Variants in NCOA3 observed in about 807,000 individuals in gnomAD.
NCOA3 encodes CBP-interacting protein.
A neutral mutation model predicts 158.8 loss-of-function variants in NCOA3; 51 were observed. The ratio of observed to expected loss-of-function variants is 0.32; its 90% CI spans 0.26 to 0.41. The LOEUF is 0.41. Ranked by LOEUF, NCOA3 falls within the 10% of genes least tolerant of loss-of-function variation. The pLI, the probability that NCOA3 is intolerant of heterozygous loss-of-function variation, is 1.00. For missense variants in NCOA3, 1,510 were observed against 1,746.6 expected (o/e 0.86, Z 2.41); for synonymous variants, 537 against 592.4 (o/e 0.91, Z 1.36).
intron 1 of NCOA3, among the ~76,000 whole-genome samples, chr20:47,523,549 T>A (rs542875875): frequency 6.6e-6 from 1 of 152,314 alleles, no homozygotes; most frequent in African/African-American, 2.4e-5. Context: ...ACCAATTCCA[T>A]AAAGAAGACT....
intron 1 of NCOA3, among the ~76,000 whole-genome samples, chr20:47,562,393 C>T (rs185984653): frequency 6.6e-6 from 1 of 152,176 alleles, no homozygotes; most frequent in Non-Finnish European, 1.5e-5. Flanking sequence ...ACATACTTTC[C>T]AGTGTTTGGT....
At chr20:47,577,895 G>T (rs948688100) in intron 1 of NCOA3, among the ~76,000 whole-genome samples, 1 of 152,114 alleles carries the variant, frequency 6.6e-6, no homozygotes, top group African/African-American at 2.4e-5. Flanking sequence ...TTATAAGTCA[G>T]CTTGATTCTT....
chr20:47,622,232 C>CTGAT lies in NCOA3; in HGVS notation c.-15_-12dup. On this transcript the variant is annotated 5_prime_UTR_variant, in exon 3 of 23. It adds an upstream start codon to the 5' untranslated region. Transcript: ENST00000371998. ...ATTTCTCATTATTCTCTCTTAGTTGCTGATGTATATTCAAGATGAGTGGAT... is the reference window on the plus strand; with the variant it reads ...ATTTCTCATTATTCTCTCTTAGTTGCTGATTGATGTATATTCAAGATGAGTGGAT... The CTGAT allele has an allele frequency of 6.6e-7, 1 of 1,526,558 alleles. No individual in the cohort carries two copies. The highest frequency in any genetic ancestry group is 9.0e-7 in the Non-Finnish European group (1 of 1,108,340). 94.6% of individuals were successfully genotyped at this position (1,526,558 alleles called of 1,614,324 possible).
chr20:47,621,323 A>T (rs1449018314), intron 2 of NCOA3, among the ~76,000 whole-genome samples: 1 of 151,012 alleles, frequency 6.6e-6, no homozygotes, highest in Non-Finnish European at 1.5e-5. Context: ...GAATTTTTTC[A>T]TTTTTATAAA....
At chr20:47,516,405 A>C (rs1480459271) in intron 1 of NCOA3, among the ~76,000 whole-genome samples, 3 of 152,192 alleles carry the variant, frequency 2.0e-5, no homozygotes, top group Non-Finnish European at 4.4e-5. Context: ...TAGGAACTGA[A>C]ATATAGATCA....
chr20:47,509,739 C>A (rs6066369), intron 1 of NCOA3, among the ~76,000 whole-genome samples: 53,632 of 151,956 alleles, frequency 0.35, 9,919 homozygotes, highest in East Asian at 0.6. Context: ...AAGACCCCCC[C>A]ATCTCTATTA....
At chr20:47,601,395 T>C (rs2085860215) in intron 2 of NCOA3, among the ~76,000 whole-genome samples, 1 of 152,236 alleles carries the variant, frequency 6.6e-6, no homozygotes, top group Admixed American at 6.5e-5. Flanking sequence ...ATTCAAACCA[T>C]AGCAAAGACC....
At chr20:47,539,739 G>C (rs2084691851) in intron 1 of NCOA3, among the ~76,000 whole-genome samples, 2 of 152,100 alleles carry the variant, frequency 1.3e-5, no homozygotes, top group South Asian at 4.1e-4. Context: ...CGTATTACTA[G>C]GTCTCAAACT....
At chr20:47,515,349 G>A (rs1165161057) in intron 1 of NCOA3, among the ~76,000 whole-genome samples, 1 of 151,314 alleles carries the variant, frequency 6.6e-6, no homozygotes, top group Non-Finnish European at 1.5e-5. Context: ...TTTTAGTAGA[G>A]ATGGGGTTTC....
chr20:47,505,242 G>C (rs1177834620), intron 1 of NCOA3, among the ~76,000 whole-genome samples: 2 of 151,288 alleles, frequency 1.3e-5, no homozygotes, highest in African/African-American at 4.9e-5. Flanking sequence ...TGTATTTTTA[G>C]TAGAGACAAA....
chr20:47,521,643 G>A (rs1315174961), intron 1 of NCOA3, among the ~76,000 whole-genome samples: 1 of 97,040 alleles, frequency 1.0e-5, no homozygotes, highest in African/African-American at 2.9e-5. Flanking sequence ...GGGTGGAGCA[G>A]GTAATCAGAA....
chr20:47,618,798 G>A (rs1484040022), intron 2 of NCOA3, among the ~76,000 whole-genome samples: 2 of 152,156 alleles, frequency 1.3e-5, no homozygotes, highest in African/African-American at 2.4e-5. Context: ...GACATAGCTC[G>A]ACATATTTAG....
At chr20:47,612,704 T>C (rs1163757094) in intron 2 of NCOA3, among the ~76,000 whole-genome samples, 3 of 152,232 alleles carry the variant, frequency 2.0e-5, no homozygotes, top group Non-Finnish European at 4.4e-5. Context: ...TGTTCTTATA[T>C]ATGAGATAGA....
chr20:47,601,533 A>G (rs1319816168), intron 2 of NCOA3, among the ~76,000 whole-genome samples: 3 of 152,238 alleles, frequency 2.0e-5, no homozygotes, highest in Admixed American at 6.5e-5. Context: ...TAGCCTAAAT[A>G]TCAGCTCAAT....
chr20:47,509,413 TG>T (rs1250724750), intron 1 of NCOA3, among the ~76,000 whole-genome samples: 1 of 152,142 alleles, frequency 6.6e-6, no homozygotes, highest in East Asian at 1.9e-4. Context: ...TTTAATCGCC[TG>T]ACTTCATCAC....
At chr20:47,505,545 A>AG (rs2084018630) in intron 1 of NCOA3, among the ~76,000 whole-genome samples, 1 of 152,156 alleles carries the variant, frequency 6.6e-6, no homozygotes, top group South Asian at 2.1e-4. Flanking sequence ...TAGAAAAAAA[A>AG]CAAGACTTGT....
At chr20:47,536,340 C>T (rs925756195) in intron 1 of NCOA3, among the ~76,000 whole-genome samples, 1 of 152,204 alleles carries the variant, frequency 6.6e-6, no homozygotes, top group East Asian at 1.9e-4. Flanking sequence ...AAGTGATCCT[C>T]CTTCCTTGGC....
intron 2 of NCOA3, among the ~76,000 whole-genome samples, chr20:47,595,583 T>C (rs1309841010): frequency 6.6e-6 from 1 of 152,204 alleles, no homozygotes; most frequent in Non-Finnish European, 1.5e-5. Flanking sequence ...GTAAGGCCAG[T>C]TCTATCTAAA....
intron 1 of NCOA3, among the ~76,000 whole-genome samples, chr20:47,517,730 C>T (rs532809410): frequency 2.7e-4 from 41 of 152,110 alleles, no homozygotes; most frequent in African/African-American, 8.7e-4. Context: ...AGATTACAGG[C>T]GTGAGCCACC....
Sources: allele counts gnomAD v4.1 joint callset (sites outside exome capture counted in the v4.1 genomes callset), GRCh38; gene constraint gnomAD v4.1.1; transcripts MANE v1.5; gene names NCBI Gene and HGNC (gene_info 2026-07-23, HGNC 2026-07-21).